The following DCDC2B variants were observed in gnomAD, a reference collection of about 807,000 sequenced individuals.
DCDC2B encodes the protein doublecortin domain containing 2B, also known as doublecortin domain-containing protein 2B.
DCDC2B carries 41 observed loss-of-function variants against 38.9 expected under a neutral mutation model. That is an observed-to-expected ratio of 1.05 (90% CI 0.82 to 1.37). DCDC2B has a LOEUF of 1.37. Ranked by LOEUF, DCDC2B falls within the 40% of genes most tolerant of loss-of-function variation. The probability of loss-of-function intolerance (pLI) is 0.00; values close to 1 mark genes in which losing one functional copy is unlikely to be tolerated. For synonymous variants in DCDC2B, 181 were observed against 171.9 expected (o/e 1.05, Z -0.41); for missense variants, 453 against 427.2 (o/e 1.06, Z -0.53).
At position 32,215,936 on chromosome 1, in the gene DCDC2B, C is replaced by A; in HGVS notation, c.*39C>A. ...CAGAGGGCAACTGGGGACCACTACT[C>A]TGGCCACCTTTTGTCCTTAGCCTCC... On this transcript the variant is annotated 3_prime_UTR_variant, in exon 9 of 9. Coordinates refer to ENST00000409358, the MANE Select transcript of DCDC2B (RefSeq NM_001099434.2). 1 of 1,492,278 alleles carries A rather than the reference C, an allele frequency of 6.7e-7. No individual in the cohort carries two copies. Among genetic ancestry groups the A allele is most frequent in the Non-Finnish European group, 9.1e-7 (1 of 1,094,754 alleles). The allele number at this position is 1,492,278 out of a possible 1,614,324, so 92.4% of individuals were successfully genotyped here.
rs768337918 is a variant in DCDC2B at position 32,214,891 on chromosome 1, T to C, written c.809T>C (p.Ile270Thr). ...TTCTATGCCAGACCCCAGCAGACCA[T>C]TCAGCCAAGAAGCAAGCTCCCCACA... The part of the protein sequence containing the change: ...SAFYARPQQT[I>T]QPRSKLPTLS... The change falls in exon 7 of 9, where the codon ATT (isoleucine) becomes ACT (threonine). Residue 270 changes from isoleucine to threonine, a missense_variant. Ile to Thr is a moderately conservative substitution (Grantham distance 89, BLOSUM62 -1). Coordinates refer to ENST00000409358, the MANE Select transcript of DCDC2B (RefSeq NM_001099434.2). 1.2e-6 allele frequency: 2 copies of C among 1,613,898 alleles called. No homozygotes were observed. Among genetic ancestry groups the C allele is most frequent in the Non-Finnish European group, 1.7e-6 (2 of 1,179,866 alleles).
Position 32,212,601 on chromosome 1 carries a change from G to C in DCDC2B, c.639G>C (p.Leu213=). 1 of 1,614,030 alleles carries C rather than the reference G, an allele frequency of 6.2e-7. No individual in the cohort carries two copies. The highest frequency in any genetic ancestry group is 8.5e-7 in the Non-Finnish European group (1 of 1,179,898). ...TCAAGGACCTTCCCTATCTGGAGCT[G>C]CTGGTGCCCAGCCCCTCCCTGCCCA... is the stretch of plus-strand genomic sequence containing the variant. ...DEFKDLPYLE[L]LVPSPSLPRG... is the part of the protein sequence containing the mutation. The change falls in exon 5 of 9, where the codon CTG becomes CTC. Residue 213 remains leucine, a synonymous_variant. Transcript: ENST00000409358.
At position 32,211,472 on chromosome 1, in the gene DCDC2B, G is replaced by A. The variant is rs967580817; in HGVS notation, c.318+149G>A. 5.0e-5 allele frequency: 41 copies of A among 818,276 alleles called. No homozygotes were observed. The South Asian group carries it at 5.8e-4, about 12-fold the overall frequency. 50.7% of individuals were successfully genotyped at this position (818,276 alleles called of 1,614,324 possible). On this transcript the variant is annotated intron_variant, in intron 2 of 8. Coordinates refer to ENST00000409358, the MANE Select transcript of DCDC2B (RefSeq NM_001099434.2). ...AGCCAGCTACTATCTTTCCTGGGGC[G>A]TGGGATTTCAAGACACTATTTCTTG...
intron 4 of DCDC2B, 114 bp downstream of exon 4, chr1:32,212,315 T>TGGGG (rs1643621022): frequency 6.5e-6 from 10 of 1,547,722 alleles, no homozygotes; most frequent in Non-Finnish European, 8.8e-6. Context: ...CACATGGGAC[T>TGGGG]TCCCCCTATG....
intron 6 of DCDC2B, 172 bp from the exon 7 acceptor site, chr1:32,214,625 T>C: frequency 1.1e-6 from 1 of 886,724 alleles, no homozygotes; most frequent in African/African-American, 1.7e-5. Flanking sequence ...CCTGGATAAG[T>C]CAGGCTGGTG....
chr1:32,212,203 T>C lies in DCDC2B; in HGVS notation c.527+2T>C. On this transcript the variant is annotated splice_donor_variant, in intron 4 of 8. Transcript: ENST00000409358. LOFTEE classifies it high-confidence loss of function. ...GTTGCAGAGTGGGGCTGTGTGCAAG[T>C]GAGTATGGGGACTGCGAGGGCCCAA... 1 of 1,612,612 alleles carries C rather than the reference T, an allele frequency of 6.2e-7. No individual in the cohort carries two copies. The highest frequency in any genetic ancestry group is 8.5e-7 in the Non-Finnish European group (1 of 1,179,622).
Position 32,212,057 on chromosome 1 carries a change from CTTTT to C in DCDC2B, c.396-11_396-8del, listed in dbSNP as rs765220183. 1 of 1,607,838 alleles carries C rather than the reference CTTTT, an allele frequency of 6.2e-7. No homozygotes were observed. On this transcript the variant is annotated splice_polypyrimidine_tract_variant and intron_variant, in intron 3 of 8. Transcript: ENST00000409358. ...CCTGGGGACACTCCCCCTTACCAGG[CTTTT>C]TGTCTCAGTGTGTTCAGGAATGGGG... is the stretch of plus-strand genomic sequence containing the variant.
At chr1:32,211,203 A>G in intron 1 of DCDC2B, 69 bp from the exon 2 acceptor site, 1 of 1,445,866 alleles carries the variant, frequency 6.9e-7, no homozygotes, top group South Asian at 1.2e-5. Context: ...CCAACCCAAC[A>G]CTGACATCTG....
intron 1 of DCDC2B, among the ~76,000 whole-genome samples, chr1:32,209,598 T>C (rs1569731002): frequency 1.3e-5 from 2 of 152,126 alleles, no homozygotes; most frequent in East Asian, 3.9e-4. Context: ...TTTATGCCCA[T>C]CACAGCCAAG....
intron 6 of DCDC2B, among the ~76,000 whole-genome samples, chr1:32,214,184 T>C (rs1569771405): frequency 6.7e-6 from 1 of 150,250 alleles, no homozygotes; most frequent in Admixed American, 6.6e-5. Flanking sequence ...TGGTGGTGGG[T>C]GCTTGTAGTC....
At chr1:32,214,642 G>T in intron 6 of DCDC2B, 155 bp from the exon 7 acceptor site, 1 of 1,061,942 alleles carries the variant, frequency 9.4e-7, no homozygotes, top group Non-Finnish European at 1.3e-6. Context: ...GGTGGGAAGA[G>T]GCAGCAAGGA....
At chr1:32,215,705 A>G in intron 8 of DCDC2B, 97 bp from the exon 9 acceptor site, 2 of 1,168,058 alleles carry the variant, frequency 1.7e-6, no homozygotes, top group South Asian at 2.9e-5. Context: ...CCTAATTTCC[A>G]GTTTCTTCCT....
At chr1:32,214,355 G>T in intron 6 of DCDC2B, 1 of 157,388 alleles carries the variant, frequency 6.4e-6, no homozygotes. Flanking sequence ...GATTTGTTCA[G>T]GGTGACAGAG....
chr1:32,211,650 C>T (rs1643589748), intron 2 of DCDC2B, 111 bp from the exon 3 acceptor site: 2 of 1,095,560 alleles, frequency 1.8e-6, no homozygotes, highest in East Asian at 2.6e-5. Flanking sequence ...TCCTCCTCGC[C>T]CCCTTCCTGC....
chr1:32,212,391 G>A (rs1003524935), intron 4 of DCDC2B, 99 bp from the exon 5 acceptor site: 4 of 1,555,084 alleles, frequency 2.6e-6, no homozygotes, highest in South Asian at 1.2e-5. Flanking sequence ...CTAGAGGCCA[G>A]AGGGCACCTT....
chr1:32,209,512 A>T (rs1336908154), intron 1 of DCDC2B, among the ~76,000 whole-genome samples, 153 bp downstream of exon 1: 1 of 152,212 alleles, frequency 6.6e-6, no homozygotes, highest in Non-Finnish European at 1.5e-5. Context: ...AAGGGAAAAC[A>T]GACAGAAAAC....
intron 6 of DCDC2B, among the ~76,000 whole-genome samples, chr1:32,213,679 T>C (rs1303980786): frequency 3.3e-5 from 5 of 151,830 alleles, no homozygotes; most frequent in Non-Finnish European, 7.4e-5. Flanking sequence ...CGGTTAATTT[T>C]TTTTGTATTT....
intron 1 of DCDC2B, among the ~76,000 whole-genome samples, chr1:32,210,920 G>T (rs1206746186): frequency 6.6e-6 from 1 of 151,710 alleles, no homozygotes; most frequent in Non-Finnish European, 1.5e-5. Flanking sequence ...TGCCCAGGCT[G>T]GTCTCAAACT....
intron 6 of DCDC2B, among the ~76,000 whole-genome samples, chr1:32,213,247 G>A (rs1643661368): frequency 6.6e-6 from 1 of 151,844 alleles, no homozygotes; most frequent in South Asian, 2.1e-4. Context: ...GCGAAGGCTG[G>A]TCTTGAACTC....
Sources: gnomAD v4.1 joint callset for allele counts (sites outside exome capture counted in the v4.1 genomes callset) on GRCh38, gnomAD v4.1.1 for gene constraint, MANE v1.5 for transcripts, NCBI Gene and HGNC (gene_info 2026-07-23, HGNC 2026-07-21) for gene names.